The following JAZF1 variants were observed in gnomAD, a reference collection of about 807,000 sequenced individuals.
The protein encoded by JAZF1 is juxtaposed with another zinc finger protein 1.
In JAZF1, 8 loss-of-function variants were observed where a neutral mutation model predicts 26.4. That is an observed-to-expected ratio of 0.30 (90% confidence interval 0.18 to 0.55). JAZF1 has a LOEUF of 0.55. Among genes scored for constraint, JAZF1 ranks in the 20% least tolerant of loss-of-function variants. JAZF1 has a pLI of 0.94. For missense variants in JAZF1, 199 were observed against 322.0 expected (o/e 0.62, Z 2.92); for synonymous variants, 126 against 122.3 (o/e 1.03, Z -0.20).
chr7:27,925,281 C>T (rs1470141665), intron 2 of JAZF1, among the ~76,000 whole-genome samples: 1 of 152,212 alleles, frequency 6.6e-6, no homozygotes, highest in Non-Finnish European at 1.5e-5. Context: ...TAAATAGAAT[C>T]TCAGCCTTTC....
chr7:27,978,232 A>T (rs1030671649), intron 2 of JAZF1, among the ~76,000 whole-genome samples: 1 of 152,194 alleles, frequency 6.6e-6, no homozygotes, highest in Admixed American at 6.5e-5. Flanking sequence ...TATGACAGAC[A>T]CTGTTCTGGG....
chr7:28,029,981 A>T (rs1783162508), intron 1 of JAZF1, among the ~76,000 whole-genome samples: 1 of 152,238 alleles, frequency 6.6e-6, no homozygotes. Context: ...CAAAATCTGA[A>T]AAATAACAAG....
At chr7:27,912,851 A>G (rs2128345797) in intron 2 of JAZF1, among the ~76,000 whole-genome samples, 1 of 152,238 alleles carries the variant, frequency 6.6e-6, no homozygotes, top group South Asian at 2.1e-4. Flanking sequence ...GACAGCTGGG[A>G]AAAGACTGGA....
chr7:28,020,310 A>C (rs562163009), intron 1 of JAZF1, among the ~76,000 whole-genome samples: 26 of 152,322 alleles, frequency 1.7e-4, no homozygotes, highest in African/African-American at 6.3e-4. Flanking sequence ...TGAGGAAAGT[A>C]TTTAAGCTTA....
At chr7:27,945,853 C>G (rs527314414) in intron 2 of JAZF1, among the ~76,000 whole-genome samples, 3 of 152,128 alleles carry the variant, frequency 2.0e-5, no homozygotes, top group Non-Finnish European at 4.4e-5. Context: ...CTAAAATCTC[C>G]CAGGTGAAGT....
At chr7:28,042,307 C>T (rs966916722) in intron 1 of JAZF1, among the ~76,000 whole-genome samples, 1 of 152,094 alleles carries the variant, frequency 6.6e-6, no homozygotes, top group African/African-American at 2.4e-5. Flanking sequence ...TCAGAAAGAC[C>T]TTAGAGTTCC....
intron 1 of JAZF1, among the ~76,000 whole-genome samples, chr7:28,108,640 C>G (rs547811934): frequency 6.6e-6 from 1 of 152,124 alleles, no homozygotes; most frequent in African/African-American, 2.4e-5. Flanking sequence ...AAAAACAGTA[C>G]GAAGGTGCCT....
chr7:27,887,109 G>A (rs529900957), intron 3 of JAZF1, among the ~76,000 whole-genome samples: 1 of 152,226 alleles, frequency 6.6e-6, no homozygotes, highest in South Asian at 2.1e-4. Flanking sequence ...ACATACTGGG[G>A]CCTTTCGGAG....
intron 4 of JAZF1, among the ~76,000 whole-genome samples, chr7:27,833,576 G>C (rs73075361): frequency 1.3e-5 from 2 of 152,002 alleles, no homozygotes; most frequent in African/African-American, 4.8e-5. Flanking sequence ...TCTTGTCCCC[G>C]CCGTACAGTT....
intron 1 of JAZF1, among the ~76,000 whole-genome samples, chr7:28,030,986 A>G (rs1237079795): frequency 1.3e-5 from 2 of 152,214 alleles, no homozygotes; most frequent in Non-Finnish European, 2.9e-5. Flanking sequence ...AGTTGTCATT[A>G]AAAGTAACCA....
chr7:28,106,529 GAAGA>G (rs1784555982), intron 1 of JAZF1, among the ~76,000 whole-genome samples: 1 of 152,176 alleles, frequency 6.6e-6, no homozygotes, highest in Admixed American at 6.5e-5. Context: ...CTGCCAAGCA[GAAGA>G]AACACAGGAT....
intron 1 of JAZF1, among the ~76,000 whole-genome samples, chr7:28,109,047 T>C (rs1386025637): frequency 1.3e-5 from 2 of 152,148 alleles, no homozygotes; most frequent in Non-Finnish European, 2.9e-5. Context: ...TGCCAGGGGC[T>C]GGGGGTGGAT....
intron 2 of JAZF1, among the ~76,000 whole-genome samples, chr7:27,963,722 GGTTTT>G (rs34421458): frequency 0.94 from 142,161 of 150,664 alleles, 67,188 homozygotes; most frequent in East Asian, 1. Flanking sequence ...TCACCACACC[GGTTTT>G]GTTTTGTTTT....
At chr7:27,859,863 A>G (rs578122494) in intron 3 of JAZF1, among the ~76,000 whole-genome samples, 98 of 152,366 alleles carry the variant, frequency 6.4e-4, no homozygotes, top group African/African-American at 2.3e-3. Context: ...AACTTAAAGT[A>G]TAATAAAAAA....
At chr7:27,877,793 T>A (rs1444582377) in intron 3 of JAZF1, among the ~76,000 whole-genome samples, 1 of 152,164 alleles carries the variant, frequency 6.6e-6, no homozygotes, top group Non-Finnish European at 1.5e-5. Context: ...TTTTTTCACG[T>A]CTACGTTATT....
At chr7:28,149,628 C>A (rs867442227) in intron 1 of JAZF1, among the ~76,000 whole-genome samples, 13 of 152,144 alleles carry the variant, frequency 8.5e-5, no homozygotes, top group Admixed American at 2.0e-4. Context: ...AATGGGAAAG[C>A]CTGAACCCAC....
intron 1 of JAZF1, among the ~76,000 whole-genome samples, chr7:28,174,407 C>G (rs1783518079): frequency 6.6e-6 from 1 of 152,212 alleles, no homozygotes; most frequent in African/African-American, 2.4e-5. Flanking sequence ...CAGCCTGTGC[C>G]AGCCTTAAGG....
intron 1 of JAZF1, among the ~76,000 whole-genome samples, chr7:28,047,942 G>A (rs982019963): frequency 2.0e-5 from 3 of 152,190 alleles, no homozygotes; most frequent in African/African-American, 7.2e-5. Context: ...AAACCAGTCT[G>A]TAGAATAAGC....
intron 1 of JAZF1, among the ~76,000 whole-genome samples, chr7:28,002,640 G>A (rs1409655346): frequency 6.6e-6 from 1 of 152,066 alleles, no homozygotes; most frequent in Non-Finnish European, 1.5e-5. Flanking sequence ...GCATTGTTCT[G>A]GATTATTTCC....
Sources: allele counts gnomAD v4.1 joint callset (sites outside exome capture counted in the v4.1 genomes callset), GRCh38; gene constraint gnomAD v4.1.1; transcripts MANE v1.5; gene names NCBI Gene and HGNC (gene_info 2026-07-23, HGNC 2026-07-21).